The following CAMSAP2 variants were observed in gnomAD, a reference collection of about 807,000 sequenced individuals.
CAMSAP2 encodes the protein calmodulin regulated spectrin associated protein family member 2, also known as calmodulin-regulated spectrin-associated protein 2.
A neutral mutation model predicts 146.1 loss-of-function variants in CAMSAP2; 26 were observed. That is an observed-to-expected ratio of 0.18 (90% CI 0.13 to 0.25). The LOEUF (loss-of-function observed/expected upper bound fraction) is 0.25. Ranked by LOEUF, CAMSAP2 falls within the 10% of genes least tolerant of loss-of-function variation. The pLI is 1.00. For missense variants in CAMSAP2, 1,381 were observed against 1,759.3 expected (o/e 0.78, Z 3.85); for synonymous variants, 499 against 596.6 (o/e 0.84, Z 2.38).
intron 2 of CAMSAP2, among the ~76,000 whole-genome samples, chr1:200,792,811 G>A (rs942352800): frequency 6.6e-6 from 1 of 152,138 alleles, no homozygotes; most frequent in South Asian, 2.1e-4. Context: ...GCAACATGAA[G>A]GATCCTGTGT....
At chr1:200,856,256 G>C (rs1054839631) in intron 15 of CAMSAP2, 131 bp downstream of exon 15, 9 of 637,036 alleles carry the variant, frequency 1.4e-5, no homozygotes, top group Non-Finnish European at 2.2e-5. Flanking sequence ...GTGAATGCAG[G>C]TGGTCACTTT....
chr1:200,766,757 A>T (rs1002894464), intron 2 of CAMSAP2, among the ~76,000 whole-genome samples: 2 of 152,136 alleles, frequency 1.3e-5, no homozygotes, highest in Non-Finnish European at 2.9e-5. Flanking sequence ...CCTAGGGAAT[A>T]GGTAGATGGG....
At chr1:200,759,250 G>A (rs1357295322) in intron 1 of CAMSAP2, among the ~76,000 whole-genome samples, 1 of 146,154 alleles carries the variant, frequency 6.8e-6, no homozygotes, top group Non-Finnish European at 1.5e-5. Flanking sequence ...TTTTTTTTCT[G>A]ACTAAAATTC....
chr1:200,859,442 A>C lies in CAMSAP2; in HGVS notation c.*1383A>C, dbSNP rs1042756925. 2.0e-5 allele frequency: 3 copies of C among 152,642 alleles called. No homozygotes were observed. Among genetic ancestry groups the C allele is most frequent in the African/African-American group, 7.2e-5 (3 of 41,444 alleles). The allele number at this position is 152,642 out of a possible 1,614,324, so 9.5% of individuals were successfully genotyped here. On this transcript the variant is annotated 3_prime_UTR_variant, in exon 17 of 17. Transcript: ENST00000358823. ...GATGTATTTACTTATTTTAAAAAAA[A>C]GAATAGGAATGAGATGTCCCTGAGC...
chr1:200,820,173 G>C (rs1443064289), intron 4 of CAMSAP2, among the ~76,000 whole-genome samples: 1 of 151,574 alleles, frequency 6.6e-6, no homozygotes, highest in African/African-American at 2.4e-5. Context: ...CAATTCTCGT[G>C]CCTCAGCCTC....
intron 6 of CAMSAP2, among the ~76,000 whole-genome samples, chr1:200,835,045 A>G (rs1667150846): frequency 6.6e-6 from 1 of 152,250 alleles, no homozygotes; most frequent in African/African-American, 2.4e-5. Context: ...TATACATGCT[A>G]TATAAACACA....
At chr1:200,820,235 T>C (rs1666713875) in intron 4 of CAMSAP2, among the ~76,000 whole-genome samples, 1 of 151,924 alleles carries the variant, frequency 6.6e-6, no homozygotes, top group Non-Finnish European at 1.5e-5. Context: ...TAATTTTTTG[T>C]GTATTTTTAG....
intron 1 of CAMSAP2, among the ~76,000 whole-genome samples, chr1:200,755,052 A>G (rs1664611856): frequency 6.6e-6 from 1 of 152,176 alleles, no homozygotes; most frequent in Non-Finnish European, 1.5e-5. Context: ...ACATGGCTCC[A>G]TTATTTGTTA....
At chr1:200,837,701 A>G (rs1280570936) in intron 6 of CAMSAP2, among the ~76,000 whole-genome samples, 1 of 152,138 alleles carries the variant, frequency 6.6e-6, no homozygotes, top group Non-Finnish European at 1.5e-5. Flanking sequence ...CTTCCTGTCC[A>G]TGAGCATGGA....
rs192918863 is a variant in CAMSAP2 at position 200,821,855 on chromosome 1, G to C, written c.645+6211G>C. ...TACCATGGTTTTAATCTTTACCTAA[G>C]AGTATGATAACCATTAGATTTCTCT... is the stretch of plus-strand genomic sequence containing the variant. On this transcript the variant is annotated intron_variant, in intron 4 of 16. Coordinates refer to ENST00000358823, the MANE Select transcript of CAMSAP2 (RefSeq NM_203459.4). 7.9e-5 allele frequency among the ~76,000 whole-genome samples: 12 copies of C among 152,152 alleles called. No homozygotes were observed. In the East Asian group the frequency reaches 1.9e-3, roughly 24 times the overall value.
chr1:200,782,149 T>C (rs1005568745), intron 2 of CAMSAP2, among the ~76,000 whole-genome samples: 3 of 152,190 alleles, frequency 2.0e-5, no homozygotes, highest in Non-Finnish European at 4.4e-5. Flanking sequence ...TAAAAATCTT[T>C]AGAGCATTGG....
intron 2 of CAMSAP2, among the ~76,000 whole-genome samples, chr1:200,792,542 G>A (rs1665782886): frequency 6.6e-6 from 1 of 152,154 alleles, no homozygotes; most frequent in South Asian, 2.1e-4. Context: ...CTACTCGGGA[G>A]GCTGAGGCAG....
At chr1:200,747,936 G>A (rs1382401823) in intron 1 of CAMSAP2, among the ~76,000 whole-genome samples, 1 of 145,666 alleles carries the variant, frequency 6.9e-6, no homozygotes, top group African/African-American at 2.6e-5. Flanking sequence ...GCAGTGAGCC[G>A]AGATCCTGCC....
At chr1:200,796,267 G>GT (rs1665881745) in intron 2 of CAMSAP2, among the ~76,000 whole-genome samples, 1 of 151,978 alleles carries the variant, frequency 6.6e-6, no homozygotes, top group Non-Finnish European at 1.5e-5. Context: ...AATTTTTTGT[G>GT]TTAAAAAAAA....
At chr1:200,782,981 G>T (rs1483653588) in intron 2 of CAMSAP2, among the ~76,000 whole-genome samples, 1 of 151,320 alleles carries the variant, frequency 6.6e-6, no homozygotes, top group Non-Finnish European at 1.5e-5. Flanking sequence ...GCCCAGCCTG[G>T]TCTGGAACTA....
chr1:200,791,982 T>G (rs1407559218), intron 2 of CAMSAP2, among the ~76,000 whole-genome samples: 1 of 152,014 alleles, frequency 6.6e-6, no homozygotes, highest in African/African-American at 2.4e-5. Flanking sequence ...AAAAAATACT[T>G]ACCCAAAATA....
At chr1:200,828,623 C>A in intron 4 of CAMSAP2, 1 of 1,548,190 alleles carries the variant, frequency 6.5e-7, no homozygotes, top group Non-Finnish European at 8.7e-7. Flanking sequence ...TGCTCAGCTA[C>A]TTCAGTTTGC....
chr1:200,816,594 CAAA>C (rs1316338918), intron 4 of CAMSAP2, among the ~76,000 whole-genome samples: 41 of 92,824 alleles, frequency 4.4e-4, no homozygotes, highest in East Asian at 1.9e-3. Context: ...AACTTCATCT[CAAA>C]AAAAAAAAAT....
At chr1:200,807,676 T>A in intron 3 of CAMSAP2, 139 bp downstream of exon 3, 1 of 549,818 alleles carries the variant, frequency 1.8e-6, no homozygotes. Flanking sequence ...TTAAATTTTT[T>A]AGTAAAAAAG....
Sources: allele counts gnomAD v4.1 joint callset (sites outside exome capture counted in the v4.1 genomes callset), GRCh38; gene constraint gnomAD v4.1.1; transcripts MANE v1.5; gene names NCBI Gene and HGNC (gene_info 2026-07-23, HGNC 2026-07-21).